The following DOCK8 variants were observed in gnomAD, a reference collection of about 807,000 sequenced individuals.
The protein encoded by DOCK8 is dedicator of cytokinesis protein 8.
A neutral mutation model predicts 245.6 loss-of-function variants in DOCK8; 141 were observed. That is an observed-to-expected ratio of 0.57 (90% CI 0.50 to 0.66). The LOEUF is 0.66. Among genes scored for constraint, DOCK8 ranks in the 30% least tolerant of loss-of-function variants. DOCK8 has a pLI of 0.00. For missense variants in DOCK8, 2,965 were observed against 2,603.4 expected (o/e 1.14, Z -3.02); for synonymous variants, 1,168 against 970.2 (o/e 1.20, Z -3.79).
At chr9:305,944 G>C (rs2049807894) in intron 5 of DOCK8, among the ~76,000 whole-genome samples, 1 of 152,166 alleles carries the variant, frequency 6.6e-6, no homozygotes, top group African/African-American at 2.4e-5. Context: ...GGGAGGAGTA[G>C]GAAGTTATTG....
intron 5 of DOCK8, among the ~76,000 whole-genome samples, chr9:305,963 G>A (rs1016640887): frequency 6.6e-6 from 1 of 152,122 alleles, no homozygotes; most frequent in Non-Finnish European, 1.5e-5. Flanking sequence ...TGTTTAATGG[G>A]TAGAGTTTCG....
At chr9:299,064 T>C (rs1447685659) in intron 4 of DOCK8, among the ~76,000 whole-genome samples, 2 of 152,214 alleles carry the variant, frequency 1.3e-5, no homozygotes, top group Non-Finnish European at 2.9e-5. Flanking sequence ...TATATTGTTA[T>C]TTGGGGTAGC....
At chr9:225,272 G>A (rs1468785162) in intron 1 of DOCK8, among the ~76,000 whole-genome samples, 1 of 152,150 alleles carries the variant, frequency 6.6e-6, no homozygotes, top group East Asian at 1.9e-4. Context: ...AGAGAGAGAA[G>A]CCTGTAGCCC....
chr9:430,051 G>A (rs1253664815), intron 36 of DOCK8, among the ~76,000 whole-genome samples, 197 bp downstream of exon 36: 1 of 152,190 alleles, frequency 6.6e-6, no homozygotes, highest in African/African-American at 2.4e-5. Context: ...TCAGATAAAT[G>A]CAGTGGTCTC....
chr9:299,889 G>A lies in DOCK8; in HGVS notation c.405-4692G>A, dbSNP rs540149416. Among the ~76,000 whole-genome samples, 159 of 152,136 alleles carry A rather than the reference G, an allele frequency of 1.0e-3. 1 individual carries two copies. The highest frequency in any genetic ancestry group is 3.7e-3 in the African/African-American group (153 of 41,512). The stretch of plus-strand genomic sequence containing the variant: ...ACAAAAAAATTAGCTGGCTGTGGTG[G>A]TGGGCGCCTGTAGTCCAAGCTACTC... On this transcript the variant is annotated intron_variant, in intron 4 of 47. Coordinates refer to ENST00000432829, the MANE Select transcript of DOCK8 (RefSeq NM_203447.4).
At chr9:446,322 C>T (rs751318144) in intron 43 of DOCK8, 48 bp from the exon 44 acceptor site, 38 of 1,515,558 alleles carry the variant, frequency 2.5e-5, no homozygotes, top group African/African-American at 2.3e-4. Flanking sequence ...CAGGGATGGC[C>T]GTTTGCAGAA....
intron 39 of DOCK8, 132 bp downstream of exon 39, chr9:435,107 C>G: frequency 2.0e-6 from 2 of 1,006,938 alleles, no homozygotes; most frequent in Admixed American, 4.0e-5. Flanking sequence ...TGAGTAGGTG[C>G]TACTGGCATC....
At chr9:420,239 G>A (rs923244136) in intron 30 of DOCK8, 162 bp from the exon 31 acceptor site, 3 of 784,830 alleles carry the variant, frequency 3.8e-6, no homozygotes, top group Admixed American at 2.0e-5. Flanking sequence ...GCCTAGGGAA[G>A]GCAGGGCTAC....
At chr9:286,377 G>A in intron 2 of DOCK8, 84 bp from the exon 3 acceptor site, 3 of 1,489,156 alleles carry the variant, frequency 2.0e-6, no homozygotes, top group Non-Finnish European at 2.8e-6. Flanking sequence ...TCAAAGGAAA[G>A]CAAGGCAAAC....
At chr9:356,955 G>A (rs1040951803) in intron 14 of DOCK8, among the ~76,000 whole-genome samples, 4 of 151,942 alleles carry the variant, frequency 2.6e-5, no homozygotes, top group African/African-American at 4.8e-5. Context: ...AGCAGATTTC[G>A]AATGCTTGGA....
intron 27 of DOCK8, among the ~76,000 whole-genome samples, chr9:405,764 C>T (rs760293696): frequency 1.2e-4 from 18 of 152,050 alleles, no homozygotes; most frequent in Non-Finnish European, 1.6e-4. Context: ...GAAGGCTTGT[C>T]TTACTAATTG....
chr9:288,089 A>G (rs1443288580), intron 3 of DOCK8, among the ~76,000 whole-genome samples: 4 of 151,740 alleles, frequency 2.6e-5, no homozygotes, highest in Admixed American at 6.6e-5. Context: ...GATAAGGAAG[A>G]TAATTTCTTT....
At chr9:240,813 G>A (rs1587644943) in intron 1 of DOCK8, among the ~76,000 whole-genome samples, 1 of 152,000 alleles carries the variant, frequency 6.6e-6, no homozygotes, top group South Asian at 2.1e-4. Context: ...CTGTAAGTGC[G>A]TAAACTAATA....
chr9:312,844 T>TAATTCTAC, intron 6 of DOCK8: 1 of 190,706 alleles, frequency 5.2e-6, no homozygotes, highest in South Asian at 1.0e-4. Flanking sequence ...GCTCTCAGTT[T>TAATTCTAC]TCCCCTCTGC....
intron 26 of DOCK8, among the ~76,000 whole-genome samples, chr9:400,441 A>T (rs952921324): frequency 1.1e-3 from 23 of 21,746 alleles, no homozygotes; most frequent in African/African-American, 4.0e-3. Flanking sequence ...CACCACCTCC[A>T]CCACCACCAG....
chr9:404,348 C>T (rs1001732912), intron 26 of DOCK8, among the ~76,000 whole-genome samples: 3 of 152,048 alleles, frequency 2.0e-5, no homozygotes, highest in African/African-American at 7.2e-5. Context: ...TTCTCCATTT[C>T]CTCCTCTCTC....
chr9:275,619 C>T (rs748770449), intron 2 of DOCK8, among the ~76,000 whole-genome samples: 49 of 152,174 alleles, frequency 3.2e-4, no homozygotes, highest in Non-Finnish European at 6.5e-4. Flanking sequence ...GATGGAGTCT[C>T]GCTCTGTCAC....
chr9:215,313 C>A, intron 1 of DOCK8: 1 of 1,605,186 alleles, frequency 6.2e-7, no homozygotes, highest in Non-Finnish European at 8.5e-7. Context: ...CCGCTCCGCC[C>A]TCCAGGTTCT....
intron 44 of DOCK8, among the ~76,000 whole-genome samples, chr9:447,423 G>A (rs979321804): frequency 6.6e-6 from 1 of 152,050 alleles, no homozygotes; most frequent in South Asian, 2.1e-4. Flanking sequence ...ATGATTTTCA[G>A]TTTTGCTTTG....
Sources: allele counts gnomAD v4.1 joint callset (sites outside exome capture counted in the v4.1 genomes callset), GRCh38; gene constraint gnomAD v4.1.1; transcripts MANE v1.5; gene names NCBI Gene and HGNC (gene_info 2026-07-23, HGNC 2026-07-21).